NAALADL2: variants seen among roughly 807,000 people sequenced by gnomAD.
NAALADL2 encodes the protein inactive N-acetylated-alpha-linked acidic dipeptidase-like protein 2.
NAALADL2 carries 76 observed loss-of-function variants against 87.2 expected under a neutral mutation model. That is an observed-to-expected ratio of 0.87 (90% CI 0.72 to 1.05). The LOEUF is 1.05. Among genes scored for constraint, NAALADL2 ranks in the 50% least tolerant of loss-of-function variants. The pLI, the probability that NAALADL2 is intolerant of heterozygous loss-of-function variation, is 0.00. For missense variants in NAALADL2, 1,089 were observed against 945.8 expected, an observed-to-expected ratio of 1.15 and a Z score of -1.99; for synonymous variants, 354 against 331.0, an observed-to-expected ratio of 1.07 and a Z score of -0.75.
chr3:174,895,735 G>T (rs190450082), intron 1 of NAALADL2, among the ~76,000 whole-genome samples: 1 of 151,664 alleles, frequency 6.6e-6, no homozygotes, highest in South Asian at 2.1e-4. Context: ...ACAAAAAAAC[G>T]AAAGCAAACA....
chr3:175,749,672 T>C (rs984272935), intron 12 of NAALADL2, among the ~76,000 whole-genome samples: 6 of 152,208 alleles, frequency 3.9e-5, no homozygotes, highest in African/African-American at 1.4e-4. Context: ...GCCATTACAC[T>C]GACAATTAAT....
intron 9 of NAALADL2, among the ~76,000 whole-genome samples, chr3:175,520,384 C>T (rs1024517701): frequency 1.0e-4 from 15 of 147,326 alleles, no homozygotes; most frequent in South Asian, 2.1e-4. Context: ...CTGCAAGCTC[C>T]GCTTCCCGGG....
At chr3:175,044,973 A>T (rs1372202154) in intron 1 of NAALADL2, among the ~76,000 whole-genome samples, 1 of 151,136 alleles carries the variant, frequency 6.6e-6, no homozygotes, top group Non-Finnish European at 1.5e-5. Flanking sequence ...TTATCCCTTT[A>T]CACATAATAG....
intron 5 of NAALADL2, among the ~76,000 whole-genome samples, chr3:175,360,516 GA>G: frequency 6.6e-6 from 1 of 152,008 alleles, no homozygotes; most frequent in East Asian, 1.9e-4. Flanking sequence ...CATTTTGGAG[GA>G]AAACATTCTC....
intron 1 of NAALADL2, among the ~76,000 whole-genome samples, chr3:175,070,684 T>C (rs982880063): frequency 2.0e-5 from 3 of 152,080 alleles, no homozygotes; most frequent in Non-Finnish European, 4.4e-5. Flanking sequence ...ACTTATATTA[T>C]TTCAGTTGAC....
At chr3:174,548,481 A>G (rs1381473308) in intron 1 of NAALADL2, among the ~76,000 whole-genome samples, 3 of 152,196 alleles carry the variant, frequency 2.0e-5, no homozygotes, top group South Asian at 4.1e-4. Context: ...CTTATCTACA[A>G]TTTCTAGATT....
chr3:174,625,057 C>CTCTCTTTTTTTT (rs748895219), intron 2 of NAALADL2, among the ~76,000 whole-genome samples: 1,725 of 78,722 alleles, frequency 0.022, 143 homozygotes, highest in African/African-American at 0.051. Flanking sequence ...CTCTCTCTCT[C>CTCTCTTTTTTTT]TTTTTTTTTT....
At chr3:175,623,639 T>C (rs910262697) in intron 10 of NAALADL2, among the ~76,000 whole-genome samples, 1 of 151,902 alleles carries the variant, frequency 6.6e-6, no homozygotes, top group Non-Finnish European at 1.5e-5. Flanking sequence ...GAGGAGGTGG[T>C]CATGTGAAGA....
intron 1 of NAALADL2, among the ~76,000 whole-genome samples, chr3:174,511,850 A>G (rs575199636): frequency 6.6e-6 from 1 of 152,144 alleles, no homozygotes; most frequent in Non-Finnish European, 1.5e-5. Context: ...AAAGTTGACA[A>G]CATGATGTTT....
chr3:174,444,222 GC>G (rs2108259386), intron 1 of NAALADL2, among the ~76,000 whole-genome samples: 1 of 152,272 alleles, frequency 6.6e-6, no homozygotes, highest in Non-Finnish European at 1.5e-5. Flanking sequence ...ACTATCTGTT[GC>G]TAGGGTTATG....
intron 3 of NAALADL2, among the ~76,000 whole-genome samples, chr3:174,788,043 C>T (rs758037380): frequency 6.6e-6 from 1 of 152,012 alleles, no homozygotes; most frequent in Non-Finnish European, 1.5e-5. Flanking sequence ...TTGAAAGGCA[C>T]GTATGGATAA....
intron 2 of NAALADL2, among the ~76,000 whole-genome samples, chr3:175,146,511 T>C (rs1006114355): frequency 6.6e-6 from 1 of 152,118 alleles, no homozygotes; most frequent in Non-Finnish European, 1.5e-5. Context: ...ATTAAAAAAT[T>C]GTAGATAAAT....
At chr3:174,449,227 T>G (rs1715291489) in intron 1 of NAALADL2, among the ~76,000 whole-genome samples, 3 of 152,160 alleles carry the variant, frequency 2.0e-5, no homozygotes, top group South Asian at 2.1e-4. Flanking sequence ...CAAATAAAAC[T>G]TTAAAGAGAA....
chr3:174,642,681 G>C (rs1474254731), intron 2 of NAALADL2, among the ~76,000 whole-genome samples: 1 of 148,854 alleles, frequency 6.7e-6, no homozygotes, highest in African/African-American at 2.5e-5. Context: ...TTGGTTGCTT[G>C]TTTCAAGTAA....
At chr3:175,640,226 C>A (rs1159327516) in intron 11 of NAALADL2, among the ~76,000 whole-genome samples, 1 of 151,920 alleles carries the variant, frequency 6.6e-6, no homozygotes, top group Non-Finnish European at 1.5e-5. Context: ...AGATGCACAG[C>A]AAAGAATAAT....
chr3:175,216,651 T>C (rs1024718068), intron 2 of NAALADL2, among the ~76,000 whole-genome samples: 12 of 46,228 alleles, frequency 2.6e-4, no homozygotes, highest in Non-Finnish European at 8.8e-4. Context: ...GCAATTTTTT[T>C]TCTTTTTTTT....
intron 10 of NAALADL2, among the ~76,000 whole-genome samples, chr3:175,594,333 CT>C (rs1314854436): frequency 1.3e-4 from 20 of 152,084 alleles, no homozygotes; most frequent in Admixed American, 1.3e-3. Flanking sequence ...ATGATTCAGT[CT>C]TTTTTATGGC....
rs183551509 is a variant in NAALADL2, at chr3:175,703,697, C to A, written c.1897-33609C>A. Among the ~76,000 whole-genome samples, 16 of 152,150 alleles carry A rather than the reference C, an allele frequency of 1.1e-4. No homozygotes were observed. The East Asian group carries it at 2.9e-3, about 28-fold the overall frequency. ...GGCAGAGGTTGCAGTGAGCTGAGAT[C>A]GTGCCACTGCATTCCAGCCTAAGTG... On this transcript the variant is annotated intron_variant, in intron 11 of 13. Transcript: ENST00000454872.
At chr3:175,371,850 T>G (rs1301229374) in intron 5 of NAALADL2, among the ~76,000 whole-genome samples, 1 of 151,888 alleles carries the variant, frequency 6.6e-6, no homozygotes. Flanking sequence ...AAATGGCTAT[T>G]ATTCATCTTT....
Sources: allele counts gnomAD v4.1 joint callset (sites outside exome capture counted in the v4.1 genomes callset), GRCh38; gene constraint gnomAD v4.1.1; transcripts MANE v1.5; gene names NCBI Gene and HGNC (gene_info 2026-07-23, HGNC 2026-07-21).